LIN7C: variants seen among roughly 807,000 people sequenced by gnomAD.
The protein encoded by LIN7C is protein lin-7 homolog C.
In LIN7C, 17 loss-of-function variants were observed where a neutral mutation model predicts 24.7. That is an observed-to-expected ratio of 0.69 (90% CI 0.47 to 1.03). The LOEUF (loss-of-function observed/expected upper bound fraction) is 1.03, where lower values mean the gene tolerates loss of function less well. Among genes scored for constraint, LIN7C ranks in the 50% least tolerant of loss-of-function variants. The probability of loss-of-function intolerance (pLI) is 0.00; values close to 1 mark genes in which losing one functional copy is unlikely to be tolerated. For missense variants in LIN7C, 204 were observed against 239.0 expected (o/e 0.85, Z 0.97); for synonymous variants, 90 against 83.4 (o/e 1.08, Z -0.43).
chr11:27,506,639 C>T, intron 1 of LIN7C, 77 bp downstream of exon 1: 1 of 1,522,190 alleles, frequency 6.6e-7, no homozygotes, highest in South Asian at 1.1e-5. Flanking sequence ...GAGCCTGGGT[C>T]ACTCCTCCTC....
At chr11:27,501,466 TCTTA>T (rs768769166) in intron 3 of LIN7C, 25 bp downstream of exon 3, 2 of 1,382,536 alleles carry the variant, frequency 1.4e-6, no homozygotes, top group South Asian at 1.2e-5. Context: ...TATGAAGAAT[TCTTA>T]CTTTTGGAAA....
At chr11:27,499,626 C>T in intron 3 of LIN7C, 58 bp from the exon 4 acceptor site, 1 of 1,475,882 alleles carries the variant, frequency 6.8e-7, no homozygotes, top group South Asian at 1.2e-5. Context: ...GTTCTTTCAT[C>T]TTTTGTTTCC....
intron 1 of LIN7C, among the ~76,000 whole-genome samples, chr11:27,506,173 T>C (rs1313762182): frequency 2.0e-5 from 3 of 152,208 alleles, no homozygotes; most frequent in Non-Finnish European, 2.9e-5. Flanking sequence ...GTCAGTAGGA[T>C]TGTTTTTAAA....
At chr11:27,506,270 G>A (rs941180877) in intron 1 of LIN7C, among the ~76,000 whole-genome samples, 1 of 152,192 alleles carries the variant, frequency 6.6e-6, no homozygotes, top group Non-Finnish European at 1.5e-5. Context: ...AGTAATGAAG[G>A]AGTTTGTGTG....
intron 1 of LIN7C, among the ~76,000 whole-genome samples, chr11:27,504,929 G>A (rs1448803073): frequency 1.3e-5 from 2 of 152,128 alleles, no homozygotes; most frequent in Admixed American, 6.6e-5. Context: ...CTACTAAGAG[G>A]TGGAGTCTTC....
chr11:27,505,560 C>T (rs1191434799), intron 1 of LIN7C, among the ~76,000 whole-genome samples: 1 of 152,176 alleles, frequency 6.6e-6, no homozygotes, highest in Non-Finnish European at 1.5e-5. Context: ...GAAACAATCT[C>T]ATTTACAGTG....
chr11:27,505,623 C>T (rs1865275525), intron 1 of LIN7C, among the ~76,000 whole-genome samples: 1 of 152,148 alleles, frequency 6.6e-6, no homozygotes, highest in Non-Finnish European at 1.5e-5. Flanking sequence ...ATTAAGTGCA[C>T]ATTTGTTTGT....
In LIN7C at chr11:27,501,528, G is replaced by A. The variant is rs1263150089; in HGVS notation, c.195C>T (p.Ser65=). The change falls in exon 3 of 5, where the codon AGC becomes AGT. Residue 65 remains serine, a synonymous_variant. Coordinates refer to ENST00000278193, the MANE Select transcript of LIN7C (RefSeq NM_018362.4). ...EHVYETVDIS[S]SPEVRANATA... Reference sequence around the variant, plus strand: ...TAGCGTTCGCTCTCACTTCAGGACTGCTACTGATGTCCACAGTCTCATAGA... The same window carrying A: ...TAGCGTTCGCTCTCACTTCAGGACTACTACTGATGTCCACAGTCTCATAGA... 2 of 1,597,312 alleles carry A rather than the reference G, an allele frequency of 1.3e-6. No homozygotes were observed. Among genetic ancestry groups the A allele is most frequent in the Admixed American group, 3.6e-5 (2 of 56,084 alleles).
Position 27,498,157 on chromosome 11 carries a change from T to C in LIN7C, c.*492A>G, listed in dbSNP as rs140815042. ...GCAGCAATGATGTTAACATTGACAG[T>C]GTAATGAACTGCCGTAGATGAGACT... On this transcript the variant is annotated 3_prime_UTR_variant, in exon 5 of 5. Coordinates refer to ENST00000278193, the MANE Select transcript of LIN7C (RefSeq NM_018362.4). The C allele has an allele frequency of 0.011, 1,669 of 153,204 alleles. 94 individuals are homozygous for C. The highest frequency in any genetic ancestry group is 0.095 in the Admixed American group (1,447 of 15,288). The allele number at this position is 153,204 out of a possible 1,614,324, so 9.5% of individuals were successfully genotyped here.
chr11:27,502,560 C>G (rs936187876), intron 1 of LIN7C, among the ~76,000 whole-genome samples: 6 of 152,030 alleles, frequency 3.9e-5, no homozygotes, highest in African/African-American at 1.5e-4. Context: ...AAACAAGCTC[C>G]AACACTTATG....
rs141300890 is a variant in LIN7C at position 27,505,661 on chromosome 11, T to G, written c.37+1055A>C. ...GAAGGCATTAGGAAAGAGGTTTTTC[T>G]AAGTACAGTAATTCTAAAAATGTGT... On this transcript the variant is annotated intron_variant, in intron 1 of 4. Coordinates refer to ENST00000278193, the MANE Select transcript of LIN7C (RefSeq NM_018362.4). 2.0e-4 allele frequency among the ~76,000 whole-genome samples: 31 copies of G among 152,366 alleles called. No individual in the cohort carries two copies. The East Asian group carries it at 4.8e-3, about 24-fold the overall frequency.
In LIN7C at chr11:27,499,412, C is replaced by A. The variant is rs1865200269; in HGVS notation, c.385G>T (p.Asp129Tyr). Residue 129 changes from aspartate (D) to tyrosine (Y), a missense_variant, in exon 4 of 5, where the codon GAT becomes TAT. By Grantham distance (160) the Asp-to-Tyr change is radical. Transcript: ENST00000278193. ...ISRIIPGGIADRHGGLKRGDQ... is the reference protein window; with the variant it reads ...ISRIIPGGIAYRHGGLKRGDQ... ...CCACGTTTGAGGCCCCCATGTCTATCAGCAATTCCACCTGGAATTATTCGG... is the reference window on the plus strand; with the variant it reads ...CCACGTTTGAGGCCCCCATGTCTATAAGCAATTCCACCTGGAATTATTCGG... 6.2e-7 allele frequency: 1 copy of A among 1,613,954 alleles called. No homozygotes were observed. The highest frequency in any genetic ancestry group is 1.1e-5 in the South Asian group (1 of 91,066).
intron 3 of LIN7C, 95 bp from the exon 4 acceptor site, chr11:27,499,663 C>T: frequency 8.8e-7 from 1 of 1,136,698 alleles, no homozygotes; most frequent in East Asian, 2.5e-5. Flanking sequence ...CGCTCTGTCG[C>T]ACAGGCTGGA....
At chr11:27,499,863 G>A (rs937943267) in intron 3 of LIN7C, among the ~76,000 whole-genome samples, 3 of 152,112 alleles carry the variant, frequency 2.0e-5, no homozygotes, top group Admixed American at 6.5e-5. Context: ...TCCTGACCTC[G>A]TGATCCGCCC....
intron 3 of LIN7C, 86 bp from the exon 4 acceptor site, chr11:27,499,654 G>A (rs1865203091): frequency 4.9e-6 from 6 of 1,212,620 alleles, no homozygotes; most frequent in Non-Finnish European, 7.0e-6. Context: ...ATGGAGTCTC[G>A]CTCTGTCGCA....
chr11:27,505,634 G>A (rs1343376311), intron 1 of LIN7C, among the ~76,000 whole-genome samples: 1 of 152,176 alleles, frequency 6.6e-6, no homozygotes, highest in Non-Finnish European at 1.5e-5. Flanking sequence ...ATTTGTTTGT[G>A]GGAAGGCATT....
chr11:27,502,608 A>T (rs772668430), intron 1 of LIN7C, among the ~76,000 whole-genome samples: 14 of 152,326 alleles, frequency 9.2e-5, no homozygotes, highest in Non-Finnish European at 1.5e-4. Context: ...TAGCTTTATC[A>T]ATCTGGTCTC....
rs1352663403 is a variant in LIN7C, at chr11:27,498,344, A to C, written c.*305T>G. ...GATTAAGAATGTAAAAGTACATTTT[A>C]ATATTAAAAAAGCATTTTAAAAAAT... On this transcript the variant is annotated 3_prime_UTR_variant, in exon 5 of 5. Transcript: ENST00000278193. 1 of 215,772 alleles carries C rather than the reference A, an allele frequency of 4.6e-6. No individual in the cohort carries two copies. Among genetic ancestry groups the C allele is most frequent in the East Asian group, 1.0e-4 (1 of 9,736 alleles). 13.4% of individuals were successfully genotyped at this position (215,772 alleles called of 1,614,324 possible).
chr11:27,501,394 A>G, intron 3 of LIN7C, 101 bp downstream of exon 3: 1 of 743,058 alleles, frequency 1.3e-6, no homozygotes, highest in East Asian at 2.8e-5. Context: ...TGAAAGATAC[A>G]TGTTAGTCTT....
Sources: gnomAD v4.1 joint callset for allele counts (sites outside exome capture counted in the v4.1 genomes callset) on GRCh38, gnomAD v4.1.1 for gene constraint, MANE v1.5 for transcripts, NCBI Gene and HGNC (gene_info 2026-07-23, HGNC 2026-07-21) for gene names.